MAP2K4: variants seen among roughly 807,000 people sequenced by gnomAD.
The protein encoded by MAP2K4 is dual specificity mitogen-activated protein kinase kinase 4.
MAP2K4 carries 4 observed loss-of-function variants against 48.5 expected under a neutral mutation model. The ratio of observed to expected loss-of-function variants is 0.08; its 90% CI spans 0.04 to 0.19. The LOEUF (loss-of-function observed/expected upper bound fraction) is 0.19. Ranked by LOEUF, MAP2K4 falls within the 10% of genes least tolerant of loss-of-function variation. The pLI, the probability that MAP2K4 is intolerant of heterozygous loss-of-function variation, is 1.00. For missense variants in MAP2K4, 258 were observed against 493.3 expected, an observed-to-expected ratio of 0.52 and a Z score of 4.52; for synonymous variants, 166 against 173.1, an observed-to-expected ratio of 0.96 and a Z score of 0.32.
chr17:12,081,682 G>C lies in MAP2K4; in HGVS notation c.393+152G>C, dbSNP rs1466014989. 5.5e-6 allele frequency: 4 copies of C among 725,312 alleles called. No individual in the cohort carries two copies. Among genetic ancestry groups the C allele is most frequent in the Non-Finnish European group, 9.2e-6 (4 of 434,478 alleles). 44.9% of individuals were successfully genotyped at this position (725,312 alleles called of 1,614,324 possible). A position where few individuals can be genotyped will look rare whatever the true frequency, so the allele number is the denominator to read the frequency against. ...AACTCCTTTGAGGGTGTTCTGTGTA[G>C]AGGTTTCTTATTGGTGGCACATTTT... is the stretch of plus-strand genomic sequence containing the variant. On this transcript the variant is annotated intron_variant, in intron 3 of 10. Coordinates refer to ENST00000353533, the MANE Select transcript of MAP2K4 (RefSeq NM_003010.4). This position sits in a 1 kb window ranked among gnomAD's most constrained non-coding sequence, Gnocchi z 4.2.
intron 1 of MAP2K4, among the ~76,000 whole-genome samples, chr17:12,023,258 G>A (rs1969149237): frequency 2.0e-5 from 3 of 152,108 alleles, no homozygotes; most frequent in African/African-American, 7.2e-5. Flanking sequence ...AACTTAAGCA[G>A]CAATTTAGGA....
intron 1 of MAP2K4, among the ~76,000 whole-genome samples, chr17:12,026,361 C>G (rs1041029704): frequency 6.6e-6 from 1 of 151,748 alleles, no homozygotes; most frequent in Non-Finnish European, 1.5e-5. Context: ...ATAATCCTAA[C>G]TCCATTCTAC....
intron 1 of MAP2K4, among the ~76,000 whole-genome samples, chr17:12,027,885 G>A (rs1567622423): frequency 3.3e-5 from 5 of 152,114 alleles, no homozygotes; most frequent in South Asian, 4.1e-4. Flanking sequence ...CTGGTTTTGT[G>A]TAGGTTAAGC....
At position 12,121,574 on chromosome 17, in the gene MAP2K4, C is replaced by CAA. The variant is rs10569548; in HGVS notation, c.814-3701_814-3700dup. ...TGGGTGACAGAGCGAGACTCCGTCT[C>CAA]AAAAAAAAAAAAAAAAAAAAGATTC... On this transcript the variant is annotated intron_variant, in intron 7 of 10. Coordinates refer to ENST00000353533, the MANE Select transcript of MAP2K4 (RefSeq NM_003010.4). Among the ~76,000 whole-genome samples the CAA allele has an allele frequency of 5.8e-3, 584 of 101,254 alleles. 8 individuals carry two copies. Among genetic ancestry groups the CAA allele is most frequent in the East Asian group, 0.043 (148 of 3,436 alleles). 66.4% of individuals were successfully genotyped at this position (101,254 alleles called of 152,430 possible). A position where few individuals can be genotyped will look rare whatever the true frequency, so the allele number is the denominator to read the frequency against.
At chr17:12,058,613 T>G (rs1970356659) in intron 2 of MAP2K4, among the ~76,000 whole-genome samples, 1 of 152,242 alleles carries the variant, frequency 6.6e-6, no homozygotes, top group Non-Finnish European at 1.5e-5. Context: ...TTACTGTCAA[T>G]CAGCTTTAAC....
chr17:12,094,633 A>G (rs1041732146), intron 3 of MAP2K4, among the ~76,000 whole-genome samples: 1 of 152,078 alleles, frequency 6.6e-6, no homozygotes, highest in Non-Finnish European at 1.5e-5. Context: ...CTATAATTTT[A>G]TTATTATTTT....
chr17:12,105,063 G>C (rs565592833), intron 4 of MAP2K4, among the ~76,000 whole-genome samples: 1 of 151,628 alleles, frequency 6.6e-6, no homozygotes, highest in Admixed American at 6.6e-5. Context: ...TTTTGCATCT[G>C]TTTCTTTGGT....
intron 1 of MAP2K4, among the ~76,000 whole-genome samples, chr17:12,045,374 T>G (rs758852909): frequency 6.6e-6 from 1 of 152,206 alleles, no homozygotes; most frequent in Non-Finnish European, 1.5e-5. Context: ...GTAAGACCTG[T>G]GTGCACGTGG....
chr17:12,129,072 G>A (rs1220022738), intron 8 of MAP2K4, 67 bp from the exon 9 acceptor site: 13 of 1,506,874 alleles, frequency 8.6e-6, no homozygotes, highest in Non-Finnish European at 1.1e-5. Flanking sequence ...TTTTTTTGTG[G>A]CCCTTCCAGT....
chr17:12,074,978 GTCTGTCTC>G (rs1970950978), intron 2 of MAP2K4, among the ~76,000 whole-genome samples: 1 of 152,102 alleles, frequency 6.6e-6, no homozygotes, highest in Non-Finnish European at 1.5e-5. Context: ...ATGAGGGTAA[GTCTGTCTC>G]CTGATACTTC....
intron 9 of MAP2K4, among the ~76,000 whole-genome samples, chr17:12,137,628 G>C (rs1020298874): frequency 1.3e-5 from 2 of 152,094 alleles, no homozygotes; most frequent in Admixed American, 6.5e-5. Context: ...CAGAGTTAGA[G>C]GTTCTAAGAT....
rs115460423 is a variant in MAP2K4 at position 12,062,242 on chromosome 17, G to A, written c.218+7251G>A. Among the ~76,000 whole-genome samples, 692 of 152,042 alleles carry A rather than the reference G, an allele frequency of 4.6e-3. 10 individuals carry two copies. The highest frequency in any genetic ancestry group is 0.016 in the African/African-American group (664 of 41,446). On this transcript the variant is annotated intron_variant, in intron 2 of 10. Coordinates refer to ENST00000353533, the MANE Select transcript of MAP2K4 (RefSeq NM_003010.4). ...TTTTCACTTTCCCACTCTCATTTTG[G>A]TAGAGTATATATTCTAAGTCTTCCT...
At chr17:12,116,413 CA>C (rs1244338883) in intron 7 of MAP2K4, among the ~76,000 whole-genome samples, 1 of 152,042 alleles carries the variant, frequency 6.6e-6, no homozygotes, top group East Asian at 1.9e-4. Flanking sequence ...GGCTACATGA[CA>C]TTTATAAAAA....
In MAP2K4 at chr17:12,035,549, TAAATA is replaced by T. The variant is rs201505859; in HGVS notation, c.115+14557_115+14561del. Among the ~76,000 whole-genome samples the T allele has an allele frequency of 1.0e-2, 1,519 of 152,158 alleles. 27 individuals carry two copies. Among genetic ancestry groups the T allele is most frequent in the African/African-American group, 0.031 (1,307 of 41,516 alleles). On this transcript the variant is annotated intron_variant, in intron 1 of 10. Transcript: ENST00000353533. ...ATAAATAAATAACTCCATATCAAAATAAATAAAATAAAAATAAAGGCTTGAAATCA... is the reference window on the plus strand; with the variant it reads ...ATAAATAAATAACTCCATATCAAAATAAATAAAAATAAAGGCTTGAAATCA...
intron 1 of MAP2K4, among the ~76,000 whole-genome samples, chr17:12,024,542 C>G (rs1969196142): frequency 6.6e-6 from 1 of 151,986 alleles, no homozygotes; most frequent in Admixed American, 6.6e-5. Flanking sequence ...ATGACTAAAG[C>G]TAACAAAATG....
chr17:12,130,645 T>C (rs933980120), intron 9 of MAP2K4, among the ~76,000 whole-genome samples: 2 of 152,120 alleles, frequency 1.3e-5, no homozygotes, highest in Non-Finnish European at 1.5e-5. Flanking sequence ...GACATTGGAG[T>C]CCCATTGTTT....
intron 5 of MAP2K4, 122 bp from the exon 6 acceptor site, chr17:12,110,253 T>C (rs1972260067): frequency 1.4e-6 from 1 of 693,708 alleles, no homozygotes; most frequent in Non-Finnish European, 2.5e-6. Flanking sequence ...TGACAAAATA[T>C]TGAAATATTA....
intron 3 of MAP2K4, among the ~76,000 whole-genome samples, chr17:12,082,765 A>G (rs1288592645): frequency 6.6e-6 from 1 of 152,214 alleles, no homozygotes; most frequent in Non-Finnish European, 1.5e-5. Flanking sequence ...GGTGAGAACT[A>G]TAGACTTTTC....
intron 7 of MAP2K4, chr17:12,124,385 C>A (rs999220226): frequency 6.6e-6 from 1 of 152,122 alleles, no homozygotes; most frequent in Non-Finnish European, 1.5e-5. Context: ...ATGATTTCTG[C>A]GGTACATAGG....
Sources: allele counts gnomAD v4.1 joint callset (sites outside exome capture counted in the v4.1 genomes callset), GRCh38; gene constraint gnomAD v4.1.1; non-coding constraint Gnocchi (gnomAD v3.1); transcripts MANE v1.5; gene names NCBI Gene and HGNC (gene_info 2026-07-23, HGNC 2026-07-21).